STRN3: variants seen among roughly 807,000 people sequenced by gnomAD.
STRN3 encodes striatin-3.
In STRN3, 29 loss-of-function variants were observed where a neutral mutation model predicts 95.6. The ratio of observed to expected loss-of-function variants is 0.30; its 90% CI spans 0.23 to 0.41. STRN3 has a LOEUF of 0.41. Ranked by LOEUF, STRN3 falls within the 10% of genes least tolerant of loss-of-function variation. STRN3 has a pLI of 1.00. For synonymous variants in STRN3, 331 were observed against 357.6 expected (o/e 0.93, Z 0.84); for missense variants, 890 against 972.1 (o/e 0.92, Z 1.12).
chr14:30,997,715 C>T (rs1250792153), intron 1 of STRN3, among the ~76,000 whole-genome samples: 1 of 152,072 alleles, frequency 6.6e-6, no homozygotes, highest in African/African-American at 2.4e-5. Flanking sequence ...ATACAAACAC[C>T]CAAGATCCCT....
intron 1 of STRN3, among the ~76,000 whole-genome samples, chr14:30,995,747 C>T (rs964367851): frequency 6.6e-6 from 1 of 152,114 alleles, no homozygotes; most frequent in Non-Finnish European, 1.5e-5. Context: ...AAAAGTATGA[C>T]AATTTTTAAA....
chr14:30,915,372 T>C (rs1896711824), intron 9 of STRN3, among the ~76,000 whole-genome samples: 1 of 152,178 alleles, frequency 6.6e-6, no homozygotes, highest in African/African-American at 2.4e-5. Context: ...CTGACTCAAA[T>C]AGGGCTCTAA....
rs577350630 is a variant in STRN3, at chr14:30,903,106, T to C, written c.2030-463A>G. 1.3e-3 allele frequency among the ~76,000 whole-genome samples: 183 copies of C among 144,358 alleles called. 1 individual carries two copies. The highest frequency in any genetic ancestry group is 3.7e-3 in the Middle Eastern group (1 of 270). The allele number at this position is 144,358 out of a possible 152,430, so 94.7% of individuals were successfully genotyped here. A position where few individuals can be genotyped will look rare whatever the true frequency, so the allele number is the denominator to read the frequency against. On this transcript the variant is annotated intron_variant, in intron 15 of 17. Coordinates refer to ENST00000357479, the MANE Select transcript of STRN3 (RefSeq NM_001083893.2). Reference sequence around the variant, plus strand: ...TCTTTAAAGATGAGATTTTTTTCTTTACCAGTAAGCTCTTACTAACTTTTT... The same window carrying C: ...TCTTTAAAGATGAGATTTTTTTCTTCACCAGTAAGCTCTTACTAACTTTTT...
At chr14:31,016,760 G>T (rs1420642804) in intron 1 of STRN3, among the ~76,000 whole-genome samples, 2 of 152,050 alleles carry the variant, frequency 1.3e-5, no homozygotes, top group African/African-American at 4.8e-5. Flanking sequence ...GGCCAGGCTG[G>T]TCTCAAACTC....
intron 1 of STRN3, among the ~76,000 whole-genome samples, chr14:31,024,086 C>G (rs1449571003): frequency 6.6e-6 from 1 of 152,134 alleles, no homozygotes; most frequent in Non-Finnish European, 1.5e-5. Context: ...GCAATAAAGG[C>G]TTCTTTAATA....
intron 7 of STRN3, among the ~76,000 whole-genome samples, chr14:30,929,954 CAAAAAAAAAAA>C (rs1191963792): frequency 7.5e-5 from 3 of 40,006 alleles, no homozygotes; most frequent in African/African-American, 2.5e-4. Flanking sequence ...CTAAGATTAG[CAAAAAAAAAAA>C]AAAAAAAAAA....
rs117960136 is a variant in STRN3 at position 30,977,924 on chromosome 14, A to G, written c.283-21682T>C. 3.9e-5 allele frequency among the ~76,000 whole-genome samples: 6 copies of G among 152,306 alleles called. No homozygotes were observed. In the East Asian group the frequency reaches 1.2e-3, roughly 29 times the overall value. ...TTGATAACTAAGATGAAGTGGACCAATTCCTTGAAAGACACAATCTACAAA... is the reference window on the plus strand; with the variant it reads ...TTGATAACTAAGATGAAGTGGACCAGTTCCTTGAAAGACACAATCTACAAA... On this transcript the variant is annotated intron_variant, in intron 1 of 17. Transcript: ENST00000357479.
At chr14:31,019,225 T>C (rs1208735601) in intron 1 of STRN3, among the ~76,000 whole-genome samples, 11 of 152,158 alleles carry the variant, frequency 7.2e-5, no homozygotes, top group Admixed American at 7.2e-4. Context: ...GGAGGACTAT[T>C]TGAACCCAAG....
chr14:30,950,526 T>C (rs1879586650), intron 4 of STRN3, among the ~76,000 whole-genome samples: 1 of 152,170 alleles, frequency 6.6e-6, no homozygotes, highest in Non-Finnish European at 1.5e-5. Flanking sequence ...CTAAATTCAT[T>C]CTCTAGACCG....
Position 30,895,339 on chromosome 14 carries a change from C to A in STRN3, c.*72G>T. Reference sequence around the variant, plus strand: ...TCACATGTAGTGTCATATCAGTAACCTTTCTGATGGCAGTGATGCAGACCC... The same window carrying A: ...TCACATGTAGTGTCATATCAGTAACATTTCTGATGGCAGTGATGCAGACCC... On this transcript the variant is annotated 3_prime_UTR_variant, in exon 18 of 18. Coordinates refer to ENST00000357479, the MANE Select transcript of STRN3 (RefSeq NM_001083893.2). The A allele has an allele frequency of 2.1e-6, 3 of 1,453,970 alleles. No homozygotes were observed. The highest frequency in any genetic ancestry group is 2.8e-6 in the Non-Finnish European group (3 of 1,088,992). 90.1% of individuals were successfully genotyped at this position (1,453,970 alleles called of 1,614,324 possible). A position where few individuals can be genotyped will look rare whatever the true frequency, so the allele number is the denominator to read the frequency against.
chr14:30,944,066 C>A (rs1460377041), intron 5 of STRN3, among the ~76,000 whole-genome samples: 1 of 151,960 alleles, frequency 6.6e-6, no homozygotes, highest in East Asian at 1.9e-4. Context: ...CTATCAAAAT[C>A]TTAATTTTGC....
At chr14:30,910,408 T>A (rs11621991) in intron 13 of STRN3, among the ~76,000 whole-genome samples, 100,299 of 152,058 alleles carry the variant, frequency 0.66, 33,787 homozygotes, top group Non-Finnish European at 0.73. Flanking sequence ...GTAGGCACAA[T>A]GTGTGTGTTA....
intron 1 of STRN3, among the ~76,000 whole-genome samples, chr14:30,970,126 G>C (rs1477367989): frequency 2.0e-5 from 3 of 152,170 alleles, no homozygotes; most frequent in Non-Finnish European, 4.4e-5. Context: ...TTAACACCAA[G>C]TCAATTTCAC....
At chr14:30,931,489 G>C (rs1179520664) in intron 7 of STRN3, among the ~76,000 whole-genome samples, 1 of 152,144 alleles carries the variant, frequency 6.6e-6, no homozygotes, top group Non-Finnish European at 1.5e-5. Flanking sequence ...TACCAAAGCA[G>C]ATGAATTATA....
At chr14:30,952,022 G>A (rs1415379641) in intron 3 of STRN3, among the ~76,000 whole-genome samples, 1 of 152,096 alleles carries the variant, frequency 6.6e-6, no homozygotes, top group African/African-American at 2.4e-5. Flanking sequence ...GGAGGCTGAG[G>A]CAAAAGGATC....
chr14:30,942,786 G>A (rs772518023), intron 5 of STRN3, among the ~76,000 whole-genome samples: 51 of 151,990 alleles, frequency 3.4e-4, no homozygotes, highest in Non-Finnish European at 1.0e-4. Context: ...AGTCTTGGTG[G>A]GGGTCACATT....
intron 1 of STRN3, among the ~76,000 whole-genome samples, chr14:30,984,129 C>CA (rs1881546471): frequency 9.2e-6 from 1 of 108,158 alleles, no homozygotes; most frequent in South Asian, 4.6e-4. Flanking sequence ...TCTTCCCCGC[C>CA]CCCCCCAACC....
At chr14:30,982,362 C>T (rs1193049193) in intron 1 of STRN3, among the ~76,000 whole-genome samples, 1 of 152,154 alleles carries the variant, frequency 6.6e-6, no homozygotes, top group African/African-American at 2.4e-5. Context: ...AGCTGGAGCA[C>T]AGTGGCGCAA....
At chr14:30,958,183 T>C (rs980625974) in intron 1 of STRN3, among the ~76,000 whole-genome samples, 3 of 150,498 alleles carry the variant, frequency 2.0e-5, no homozygotes, top group African/African-American at 7.4e-5. Context: ...CGTGGTAGCA[T>C]GTTCCTGTAG....
Sources: allele counts gnomAD v4.1 joint callset (sites outside exome capture counted in the v4.1 genomes callset), GRCh38; gene constraint gnomAD v4.1.1; transcripts MANE v1.5; gene names NCBI Gene and HGNC (gene_info 2026-07-23, HGNC 2026-07-21).